MYO5B: variants seen among roughly 807,000 people sequenced by gnomAD.
MYO5B encodes myosin VB.
In MYO5B, 143 loss-of-function variants were observed where a neutral mutation model predicts 229.3. The ratio of observed to expected loss-of-function variants is 0.62; its 90% confidence interval spans 0.54 to 0.72. The LOEUF (loss-of-function observed/expected upper bound fraction) is 0.72, where lower values mean the gene tolerates loss of function less well. Ranked by LOEUF, MYO5B falls within the 30% of genes least tolerant of loss-of-function variation. MYO5B has a pLI of 0.00. For synonymous variants in MYO5B, 918 were observed against 885.2 expected, an observed-to-expected ratio of 1.04 and a Z score of -0.66; for missense variants, 2,321 against 2,331.0, an observed-to-expected ratio of 1.00 and a Z score of 0.09.
intron 17 of MYO5B, 58 bp from the exon 18 acceptor site, chr18:49,912,231 G>T: frequency 7.5e-7 from 1 of 1,331,434 alleles, no homozygotes; most frequent in Non-Finnish European, 1.1e-6. Flanking sequence ...CCACACAAAA[G>T]CCAGGCGTGA....
chr18:49,828,778 A>G (rs2023878933), intron 39 of MYO5B, among the ~76,000 whole-genome samples: 3 of 152,230 alleles, frequency 2.0e-5, no homozygotes, highest in Non-Finnish European at 2.9e-5. Flanking sequence ...TATATGGAAA[A>G]TAATAAGTTC....
intron 1 of MYO5B, among the ~76,000 whole-genome samples, chr18:50,131,377 C>T (rs2032252279): frequency 6.6e-6 from 1 of 152,188 alleles, no homozygotes; most frequent in Non-Finnish European, 1.5e-5. Context: ...ACCAATAGGA[C>T]TATGAAACAG....
chr18:49,843,416 T>C (rs768831192), intron 33 of MYO5B, 24 bp from the exon 34 acceptor site: 2 of 1,613,952 alleles, frequency 1.2e-6, no homozygotes, highest in Non-Finnish European at 8.5e-7. Context: ...GAGCAGCAAA[T>C]GGCAAGTTAG....
At chr18:50,041,573 G>A (rs1187554654) in intron 2 of MYO5B, among the ~76,000 whole-genome samples, 1 of 151,764 alleles carries the variant, frequency 6.6e-6, no homozygotes, top group Non-Finnish European at 1.5e-5. Context: ...AAGTAGTATT[G>A]GTAAGTAAAT....
chr18:50,027,934 G>T (rs934037365), intron 4 of MYO5B, among the ~76,000 whole-genome samples: 1 of 152,184 alleles, frequency 6.6e-6, no homozygotes, highest in Non-Finnish European at 1.5e-5. Flanking sequence ...AATCAATTGA[G>T]CAAGTGCAGG....
intron 2 of MYO5B, among the ~76,000 whole-genome samples, chr18:50,046,397 A>G (rs1481970363): frequency 6.6e-6 from 1 of 152,230 alleles, no homozygotes; most frequent in Non-Finnish European, 1.5e-5. Context: ...AAGTTCTGTA[A>G]GGCCTTGAGC....
At chr18:50,151,763 G>C (rs1045027801) in intron 1 of MYO5B, among the ~76,000 whole-genome samples, 44 of 152,030 alleles carry the variant, frequency 2.9e-4, no homozygotes, top group African/African-American at 1.0e-3. Context: ...TGGCTCCCTG[G>C]AGTCTGTACT....
intron 2 of MYO5B, among the ~76,000 whole-genome samples, chr18:50,048,175 G>C (rs925766620): frequency 6.6e-6 from 1 of 151,082 alleles, no homozygotes; most frequent in African/African-American, 2.4e-5. Context: ...ACAGTCCCGT[G>C]TTTAAGTTTT....
intron 19 of MYO5B, among the ~76,000 whole-genome samples, chr18:49,906,095 C>G (rs932561480): frequency 6.6e-6 from 1 of 152,102 alleles, no homozygotes; most frequent in Non-Finnish European, 1.5e-5. Context: ...GGTCTCTTTT[C>G]CTAAAAGGAG....
intron 1 of MYO5B, among the ~76,000 whole-genome samples, chr18:50,173,368 T>C (rs1271294784): frequency 6.6e-6 from 1 of 151,686 alleles, no homozygotes; most frequent in African/African-American, 2.4e-5. Flanking sequence ...GGGCCCAGAT[T>C]ACAGGAGGCC....
chr18:49,974,800 C>CACACAG (rs935347216), intron 9 of MYO5B, among the ~76,000 whole-genome samples, 185 bp from the exon 10 acceptor site: 2 of 75,448 alleles, frequency 2.7e-5, no homozygotes, highest in African/African-American at 7.9e-5. Context: ...CACACACAGA[C>CACACAG]ACACACACAC....
At chr18:50,017,417 G>T (rs557748476) in intron 4 of MYO5B, among the ~76,000 whole-genome samples, 1 of 152,106 alleles carries the variant, frequency 6.6e-6, no homozygotes, top group African/African-American at 2.4e-5. Flanking sequence ...GGGCCACTGC[G>T]CCCGGCTACC....
At chr18:50,133,795 CA>C (rs2032291768) in intron 1 of MYO5B, among the ~76,000 whole-genome samples, 1 of 152,160 alleles carries the variant, frequency 6.6e-6, no homozygotes, top group Non-Finnish European at 1.5e-5. Context: ...CCGCATTCTT[CA>C]TCAGCTCTCC....
chr18:50,000,274 G>A (rs533042409), intron 5 of MYO5B, among the ~76,000 whole-genome samples: 29 of 152,330 alleles, frequency 1.9e-4, no homozygotes, highest in Non-Finnish European at 3.7e-4. Flanking sequence ...GGCTCCGCAT[G>A]GAAACCTGAT....
intron 9 of MYO5B, among the ~76,000 whole-genome samples, chr18:49,979,378 G>T (rs187540213): frequency 5.1e-3 from 771 of 152,276 alleles, no homozygotes; most frequent in Non-Finnish European, 7.9e-3. Context: ...GGCCAGACAG[G>T]CCCAGGGGCC....
chr18:49,965,720 C>T (rs1329114908), intron 10 of MYO5B, among the ~76,000 whole-genome samples: 2 of 152,042 alleles, frequency 1.3e-5, no homozygotes, highest in African/African-American at 4.8e-5. Context: ...AGTGTGTGAA[C>T]CCAGACAGTC....
chr18:50,051,498 A>C (rs1163298067), intron 2 of MYO5B, among the ~76,000 whole-genome samples: 1 of 152,218 alleles, frequency 6.6e-6, no homozygotes, highest in Non-Finnish European at 1.5e-5. Flanking sequence ...GCAGTCAAAA[A>C]GGGAGGTGGG....
intron 2 of MYO5B, among the ~76,000 whole-genome samples, chr18:50,048,396 G>A (rs2030296696): frequency 6.6e-6 from 1 of 152,164 alleles, no homozygotes; most frequent in African/African-American, 2.4e-5. Flanking sequence ...ATACTGCAAA[G>A]GTTTATTTCT....
intron 1 of MYO5B, among the ~76,000 whole-genome samples, chr18:50,186,387 A>G (rs892097653): frequency 6.6e-6 from 1 of 152,252 alleles, no homozygotes; most frequent in Non-Finnish European, 1.5e-5. Context: ...AAGCATTGTG[A>G]AAAATGCTTT....
Sources: allele counts gnomAD v4.1 joint callset (sites outside exome capture counted in the v4.1 genomes callset), GRCh38; gene constraint gnomAD v4.1.1; transcripts MANE v1.5; gene names NCBI Gene and HGNC (gene_info 2026-07-23, HGNC 2026-07-21).